The following SLC14A2 variants were observed in gnomAD, a reference collection of about 807,000 sequenced individuals.
SLC14A2 encodes the protein urea transporter 2.
A neutral mutation model predicts 104.6 loss-of-function variants in SLC14A2; 91 were observed. The observed-to-expected ratio is 0.87, with a 90% CI of 0.73 to 1.04. The LOEUF is 1.04. Ranked by LOEUF, SLC14A2 falls within the 50% of genes least tolerant of loss-of-function variation. The pLI, the probability that SLC14A2 is intolerant of heterozygous loss-of-function variation, is 0.00. For synonymous variants in SLC14A2, 476 were observed against 466.4 expected, an observed-to-expected ratio of 1.02 and a Z score of -0.27; for missense variants, 1,189 against 1,156.0, an observed-to-expected ratio of 1.03 and a Z score of -0.41.
At chr18:45,175,991 G>T in the SLC14A2 span, among the ~76,000 whole-genome samples, 1 of 152,088 alleles carries the variant, frequency 6.6e-6, no homozygotes, top group African/African-American at 2.4e-5. Flanking sequence ...TTCTATTACT[G>T]CCCTGTAAAA....
chr18:45,678,895 G>A, intron 18 of SLC14A2, 80 bp from the exon 19 acceptor site: 2 of 1,291,340 alleles, frequency 1.5e-6, no homozygotes, highest in East Asian at 4.8e-5. Context: ...AAATTGATGG[G>A]AAGAGAATAT....
rs1406715987 is a variant in SLC14A2, at chr18:45,385,153, T to A, written c.-124-98080T>A. Among the ~76,000 whole-genome samples the A allele has an allele frequency of 2.0e-5, 3 of 152,298 alleles. No homozygotes were observed. The East Asian group carries it at 5.8e-4, about 29-fold the overall frequency. ...GCCAAGAAAACCTGCAACCGCGAAGTGGGGCTGATTTACTGCTCTAATCAC... is the reference window on the plus strand; with the variant it reads ...GCCAAGAAAACCTGCAACCGCGAAGAGGGGCTGATTTACTGCTCTAATCAC... On this transcript the variant is annotated intron_variant, in intron 1 of 20. Coordinates refer to the SLC14A2 transcript ENST00000586448.
chr18:45,266,259 G>A (rs111611223), intron 1 of SLC14A2, among the ~76,000 whole-genome samples: 1 of 152,104 alleles, frequency 6.6e-6, no homozygotes, highest in Non-Finnish European at 1.5e-5. Context: ...AGCTAAGAGA[G>A]GAAGTGGGTA....
At chr18:45,497,950 A>G (rs1233448042) in intron 2 of SLC14A2, among the ~76,000 whole-genome samples, 1 of 152,218 alleles carries the variant, frequency 6.6e-6, no homozygotes, top group Non-Finnish European at 1.5e-5. Flanking sequence ...GGAGGAGAGC[A>G]AGGGGAAAGC....
intron 1 of SLC14A2, among the ~76,000 whole-genome samples, chr18:45,347,843 A>G (rs928410688): frequency 6.6e-6 from 1 of 152,086 alleles, no homozygotes; most frequent in South Asian, 2.1e-4. Flanking sequence ...CTCAACTACC[A>G]TGCTTTTTTA....
At chr18:45,183,207 C>T in the SLC14A2 span, among the ~76,000 whole-genome samples, 1 of 152,164 alleles carries the variant, frequency 6.6e-6, no homozygotes, top group South Asian at 2.1e-4. Context: ...CAGGCACACC[C>T]TTCAGCTTCT....
chr18:45,372,689 C>T (rs2085735911), intron 1 of SLC14A2, among the ~76,000 whole-genome samples: 1 of 152,154 alleles, frequency 6.6e-6, no homozygotes, highest in Non-Finnish European at 1.5e-5. Flanking sequence ...CCAGGGGATA[C>T]TTGTGCCAAT....
At chr18:45,183,975 A>G in the SLC14A2 span, among the ~76,000 whole-genome samples, 1 of 131,856 alleles carries the variant, frequency 7.6e-6, no homozygotes, top group South Asian at 2.4e-4. Context: ...GCTAGTCTCA[A>G]ACTCCTGCCC....
At chr18:45,240,900 C>G (rs892022504) in intron 1 of SLC14A2, among the ~76,000 whole-genome samples, 1 of 152,002 alleles carries the variant, frequency 6.6e-6, no homozygotes, top group South Asian at 2.1e-4. Context: ...CCTGGTGATT[C>G]GCCTGCCTCA....
At chr18:45,364,570 A>G (rs2085648071) in intron 1 of SLC14A2, among the ~76,000 whole-genome samples, 1 of 152,258 alleles carries the variant, frequency 6.6e-6, no homozygotes, top group Non-Finnish European at 1.5e-5. Flanking sequence ...AAAAATGTAT[A>G]TATGAAATAG....
intron 2 of SLC14A2, among the ~76,000 whole-genome samples, chr18:45,609,980 G>A (rs1289634377): frequency 1.3e-5 from 2 of 152,152 alleles, no homozygotes; most frequent in African/African-American, 4.8e-5. Flanking sequence ...TTGTTTAGTT[G>A]GTTTTGCTGT....
chr18:45,195,018 A>G, the SLC14A2 span, among the ~76,000 whole-genome samples: 1 of 152,198 alleles, frequency 6.6e-6, no homozygotes, highest in Non-Finnish European at 1.5e-5. Context: ...GGGCAGAGAA[A>G]GAAGAAACTT....
chr18:45,527,754 C>T (rs916643780), intron 2 of SLC14A2: 4 of 152,118 alleles, frequency 2.6e-5, no homozygotes, highest in African/African-American at 9.7e-5. Context: ...GGATTAAATG[C>T]AATGATATAT....
rs751207675 is a variant in SLC14A2, at chr18:45,669,511, G to C, written c.2229+13G>C. The C allele has an allele frequency of 6.2e-7, 1 of 1,607,628 alleles. No individual in the cohort carries two copies. Among genetic ancestry groups the C allele is most frequent in the Non-Finnish European group, 8.5e-7 (1 of 1,175,422 alleles). On this transcript the variant is annotated intron_variant, in intron 16 of 19. Transcript: ENST00000255226. ...CCAAGTGCCCTTGGTACGTATCATGGAAGGAGGAAGGGCAGGTCTGTCCAC... is the reference window on the plus strand; with the variant it reads ...CCAAGTGCCCTTGGTACGTATCATGCAAGGAGGAAGGGCAGGTCTGTCCAC...
At chr18:45,405,504 T>C (rs2086144044) in intron 1 of SLC14A2, among the ~76,000 whole-genome samples, 1 of 152,170 alleles carries the variant, frequency 6.6e-6, no homozygotes, top group African/African-American at 2.4e-5. Context: ...CCAGTGCATA[T>C]GAAAGTTATA....
At chr18:45,436,218 A>G (rs2086594507) in intron 1 of SLC14A2, among the ~76,000 whole-genome samples, 1 of 152,224 alleles carries the variant, frequency 6.6e-6, no homozygotes, top group Non-Finnish European at 1.5e-5. Context: ...GTTAAAAAGA[A>G]CAGTCTGTTT....
chr18:45,228,255 A>G (rs1236349233), intron 1 of SLC14A2, among the ~76,000 whole-genome samples: 1 of 152,230 alleles, frequency 6.6e-6, no homozygotes, highest in African/African-American at 2.4e-5. Flanking sequence ...GGAAAAGAAT[A>G]TTTGGTCAAA....
At chr18:45,392,292 A>T (rs2085978919) in intron 1 of SLC14A2, among the ~76,000 whole-genome samples, 1 of 152,288 alleles carries the variant, frequency 6.6e-6, no homozygotes, top group African/African-American at 2.4e-5. Context: ...TGTACTGTGT[A>T]TCTAAGGGTT....
At chr18:45,402,818 C>CTTAA (rs1463321733) in intron 1 of SLC14A2, among the ~76,000 whole-genome samples, 1 of 152,176 alleles carries the variant, frequency 6.6e-6, no homozygotes, top group Non-Finnish European at 1.5e-5. Flanking sequence ...TGTAGCAAGA[C>CTTAA]TTAATCATCT....
Sources: allele counts gnomAD v4.1 joint callset (sites outside exome capture counted in the v4.1 genomes callset), GRCh38; gene constraint gnomAD v4.1.1; transcripts MANE v1.5; gene names NCBI Gene and HGNC (gene_info 2026-07-23, HGNC 2026-07-21).